Variants in POU2F1 observed in about 807,000 individuals in gnomAD.
POU2F1 encodes POU domain, class 2, transcription factor 1.
POU2F1 carries 16 observed loss-of-function variants against 84.9 expected under a neutral mutation model. The observed-to-expected ratio is 0.19, with a 90% CI of 0.13 to 0.29. The LOEUF (loss-of-function observed/expected upper bound fraction) is 0.29, where lower values mean the gene tolerates loss of function less well. Ranked by LOEUF, POU2F1 falls within the 10% of genes least tolerant of loss-of-function variation. POU2F1 has a pLI of 1.00. For synonymous variants in POU2F1, 368 were observed against 368.3 expected, an observed-to-expected ratio of 1.00 and a Z score of 0.01; for missense variants, 738 against 942.6, an observed-to-expected ratio of 0.78 and a Z score of 2.84.
chr1:167,222,656 C>G lies in POU2F1; in HGVS notation c.61+1698C>G, dbSNP rs543866360. ...GACTACCTCCACCAACTTCCACACA[C>G]TTTCCCCTCCTCTGCGGGCAAAACA... On this transcript the variant is annotated intron_variant, in intron 1 of 15. Coordinates refer to ENST00000367866, the MANE Select transcript of POU2F1 (RefSeq NM_002697.4). Among the ~76,000 whole-genome samples the G allele has an allele frequency of 1.1e-4, 16 of 152,294 alleles. No individual in the cohort carries two copies. The East Asian group carries it at 3.1e-3, about 29-fold the overall frequency.
intron 1 of POU2F1, among the ~76,000 whole-genome samples, chr1:167,231,856 G>A (rs1487331487): frequency 6.6e-6 from 1 of 152,192 alleles, no homozygotes; most frequent in African/African-American, 2.4e-5. Context: ...GAATTAATCA[G>A]TTCAAGAACT....
chr1:167,252,482 G>A (rs1196236505), intron 1 of POU2F1, among the ~76,000 whole-genome samples: 2 of 152,202 alleles, frequency 1.3e-5, no homozygotes, highest in Admixed American at 6.5e-5. Flanking sequence ...GAGATTACAT[G>A]CGTGAGCCAC....
chr1:167,378,810 T>C (rs1647273243), intron 7 of POU2F1, among the ~76,000 whole-genome samples: 1 of 152,022 alleles, frequency 6.6e-6, no homozygotes, highest in Admixed American at 6.5e-5. Context: ...TGGAGTTAAA[T>C]GGCATGATCT....
intron 13 of POU2F1, among the ~76,000 whole-genome samples, chr1:167,410,544 C>T (rs1649886185): frequency 6.6e-6 from 1 of 151,472 alleles, no homozygotes; most frequent in Non-Finnish European, 1.5e-5. Context: ...TTAACGGAGT[C>T]TTACTTCGTC....
intron 1 of POU2F1, among the ~76,000 whole-genome samples, chr1:167,292,497 AC>A (rs986743441): frequency 2.0e-4 from 31 of 151,378 alleles, no homozygotes; most frequent in Non-Finnish European, 3.8e-4. Flanking sequence ...AAAAAAAAAA[AC>A]TTGCCAACAA....
chr1:167,230,470 T>C (rs1431088633), intron 1 of POU2F1, among the ~76,000 whole-genome samples: 1 of 152,196 alleles, frequency 6.6e-6, no homozygotes, highest in Non-Finnish European at 1.5e-5. Context: ...CTGATTAAAA[T>C]TGGATATTGG....
chr1:167,387,178 T>G (rs1222419714), intron 8 of POU2F1: 1 of 456,074 alleles, frequency 2.2e-6, no homozygotes. Flanking sequence ...CTGCCATTTC[T>G]AGATCTGGCC....
Position 167,407,218 on chromosome 1 carries a change from C to T in POU2F1, c.1556-4741C>T, listed in dbSNP as rs573682627. Among the ~76,000 whole-genome samples, 510 of 151,940 alleles carry T rather than the reference C, an allele frequency of 3.4e-3. 1 individual carries two copies. The highest frequency in any genetic ancestry group is 4.3e-3 in the Non-Finnish European group (291 of 67,938). On this transcript the variant is annotated intron_variant, in intron 13 of 15. Transcript: ENST00000367866. ...CTAATATTTGTATTTTTTGTAGAGA[C>T]GAGGTTTTGCCATATTGCCCAGGCT...
intron 6 of POU2F1, among the ~76,000 whole-genome samples, chr1:167,375,057 A>T (rs1362805752): frequency 6.6e-6 from 1 of 152,174 alleles, no homozygotes; most frequent in Non-Finnish European, 1.5e-5. Context: ...AGAAGCATAC[A>T]CAATAGTACC....
intron 1 of POU2F1, among the ~76,000 whole-genome samples, chr1:167,226,934 T>C (rs1246256307): frequency 6.6e-6 from 1 of 152,254 alleles, no homozygotes; most frequent in African/African-American, 2.4e-5. Flanking sequence ...CAGATTATCT[T>C]TTATTCATTT....
intron 1 of POU2F1, among the ~76,000 whole-genome samples, chr1:167,274,244 G>C (rs111379323): frequency 3.3e-5 from 5 of 152,280 alleles, no homozygotes; most frequent in African/African-American, 1.2e-4. Context: ...TCTCTAGCAT[G>C]TAATGTTTTG....
intron 1 of POU2F1, among the ~76,000 whole-genome samples, chr1:167,237,760 A>G (rs1274923593): frequency 0.032 from 377 of 11,814 alleles, 14 homozygotes; most frequent in African/African-American, 0.051. Flanking sequence ...ATATATATAT[A>G]TATATATATA....
chr1:167,339,141 T>C (rs1342744072), intron 2 of POU2F1, among the ~76,000 whole-genome samples: 2 of 152,110 alleles, frequency 1.3e-5, no homozygotes, highest in Non-Finnish European at 2.9e-5. Flanking sequence ...ATGTATAGCA[T>C]TGTCAAATCT....
chr1:167,241,619 G>A (rs982073712), intron 1 of POU2F1: 1 of 152,126 alleles, frequency 6.6e-6, no homozygotes, highest in Non-Finnish European at 1.5e-5. Flanking sequence ...AGGTTTTCCA[G>A]TTTATTTTTA....
At chr1:167,358,921 C>A (rs1431202866) in intron 2 of POU2F1, among the ~76,000 whole-genome samples, 1 of 151,486 alleles carries the variant, frequency 6.6e-6, no homozygotes, top group East Asian at 1.9e-4. Flanking sequence ...CTCTTATTTT[C>A]TTGTTCCATC....
At chr1:167,404,616 TAGA>T (rs1189408258) in intron 13 of POU2F1, among the ~76,000 whole-genome samples, 2 of 152,194 alleles carry the variant, frequency 1.3e-5, no homozygotes, top group African/African-American at 4.8e-5. Flanking sequence ...AGAGGTCTGG[TAGA>T]AGGAGGGAAA....
At chr1:167,326,160 T>G (rs2101712086) in intron 1 of POU2F1, among the ~76,000 whole-genome samples, 1 of 152,238 alleles carries the variant, frequency 6.6e-6, no homozygotes, top group South Asian at 2.1e-4. Context: ...TGGCCTCTTC[T>G]CTAGTAGAAA....
At chr1:167,340,828 G>A (rs1301718247) in intron 2 of POU2F1, among the ~76,000 whole-genome samples, 1 of 152,134 alleles carries the variant, frequency 6.6e-6, no homozygotes, top group Non-Finnish European at 1.5e-5. Flanking sequence ...TTATCTTATA[G>A]AGAAAACATA....
intron 1 of POU2F1, among the ~76,000 whole-genome samples, chr1:167,327,668 G>C (rs1571308386): frequency 6.6e-6 from 1 of 152,138 alleles, no homozygotes; most frequent in Non-Finnish European, 1.5e-5. Flanking sequence ...TGTCTTTGCT[G>C]CCGTTTACTG....
Sources: allele counts gnomAD v4.1 joint callset (sites outside exome capture counted in the v4.1 genomes callset), GRCh38; gene constraint gnomAD v4.1.1; transcripts MANE v1.5; gene names NCBI Gene and HGNC (gene_info 2026-07-23, HGNC 2026-07-21).